Variants in ASTN2 observed in about 807,000 individuals in gnomAD.
The protein encoded by ASTN2 is astrotactin-2.
ASTN2 carries 54 observed loss-of-function variants against 139.8 expected under a neutral mutation model. The ratio of observed to expected loss-of-function variants is 0.39; its 90% CI spans 0.31 to 0.48. The LOEUF (loss-of-function observed/expected upper bound fraction) is 0.48. ASTN2 is among the 20% of genes least tolerant of loss of function. The probability of loss-of-function intolerance (pLI) is 0.95; values close to 1 mark genes in which losing one functional copy is unlikely to be tolerated. For missense variants in ASTN2, 1,565 were observed against 1,725.1 expected, an observed-to-expected ratio of 0.91 and a Z score of 1.64; for synonymous variants, 756 against 719.5, an observed-to-expected ratio of 1.05 and a Z score of -0.81.
intron 6 of ASTN2, among the ~76,000 whole-genome samples, chr9:117,037,727 G>T (rs1588500938): frequency 6.6e-6 from 1 of 152,080 alleles, no homozygotes; most frequent in Admixed American, 6.6e-5. Flanking sequence ...ATGAAGGGTG[G>T]GGACATGCAT....
At chr9:117,143,230 C>T (rs1830115896) in intron 3 of ASTN2, among the ~76,000 whole-genome samples, 1 of 152,190 alleles carries the variant, frequency 6.6e-6, no homozygotes, top group Non-Finnish European at 1.5e-5. Flanking sequence ...GTCTCCCTTG[C>T]TATCTCTCTC....
At chr9:117,245,331 G>A (rs1300947891) in intron 2 of ASTN2, among the ~76,000 whole-genome samples, 1 of 152,218 alleles carries the variant, frequency 6.6e-6, no homozygotes, top group African/African-American at 2.4e-5. Flanking sequence ...CTATCCAAAT[G>A]CTGCCACACG....
chr9:116,745,814 T>G (rs992776582), intron 13 of ASTN2, among the ~76,000 whole-genome samples: 2 of 152,248 alleles, frequency 1.3e-5, no homozygotes, highest in Non-Finnish European at 2.9e-5. Context: ...AAATATGTCA[T>G]TAGCTCCATG....
chr9:116,524,806 C>T (rs1344707161), intron 19 of ASTN2, among the ~76,000 whole-genome samples: 1 of 152,182 alleles, frequency 6.6e-6, no homozygotes, highest in Non-Finnish European at 1.5e-5. Flanking sequence ...CCATTCCTCT[C>T]TGTAGAGATA....
At chr9:116,746,816 C>T (rs1447081012) in intron 13 of ASTN2, among the ~76,000 whole-genome samples, 2 of 152,174 alleles carry the variant, frequency 1.3e-5, no homozygotes, top group Non-Finnish European at 2.9e-5. Flanking sequence ...CTGTCTCCCT[C>T]ATTGGACCAT....
chr9:117,370,310 A>G (rs890047146), intron 1 of ASTN2, among the ~76,000 whole-genome samples: 3 of 152,206 alleles, frequency 2.0e-5, no homozygotes, highest in Admixed American at 2.0e-4. Context: ...TTCATCATGC[A>G]CAGTCAATGG....
intron 4 of ASTN2, among the ~76,000 whole-genome samples, chr9:117,110,259 G>T (rs1334899525): frequency 6.6e-6 from 1 of 152,024 alleles, no homozygotes; most frequent in Non-Finnish European, 1.5e-5. Context: ...ATATAAAAAA[G>T]AACCTTAAAA....
At chr9:117,016,727 T>TAG (rs370524490) in intron 6 of ASTN2, among the ~76,000 whole-genome samples, 1 of 39,458 alleles carries the variant, frequency 2.5e-5, no homozygotes, top group African/African-American at 7.3e-5. Context: ...ATATATATGT[T>TAG]ATATATATAG....
intron 5 of ASTN2, among the ~76,000 whole-genome samples, chr9:117,042,810 A>C (rs1838618097): frequency 6.6e-6 from 1 of 152,220 alleles, no homozygotes; most frequent in East Asian, 1.9e-4. Context: ...CATTTAGCAA[A>C]ACCCCTACAA....
chr9:117,158,952 T>C (rs1830488023), intron 3 of ASTN2, among the ~76,000 whole-genome samples: 1 of 151,924 alleles, frequency 6.6e-6, no homozygotes, highest in African/African-American at 2.4e-5. Flanking sequence ...TTCTGCATCC[T>C]TGTCCTCTTG....
At chr9:117,232,013 T>C (rs1179021748) in intron 2 of ASTN2, among the ~76,000 whole-genome samples, 1 of 152,144 alleles carries the variant, frequency 6.6e-6, no homozygotes, top group Non-Finnish European at 1.5e-5. Flanking sequence ...TTAGAAGATC[T>C]GTGGAGACAG....
Position 116,820,739 on chromosome 9 carries a change from G to A in ASTN2, c.2085C>T (p.Tyr695=), listed in dbSNP as rs147306099. Residue 695 remains tyrosine (Y), a synonymous_variant, in exon 12 of 23, where the codon TAC becomes TAT. Coordinates refer to ENST00000313400, the MANE Select transcript of ASTN2 (RefSeq NM_001365068.1). ...LKPMKDGSGC[Y]DHSKGIDCSD... ...AGCAGTCAATGCCTTTGGAGTGGTC[G>A]TAGCAGCCAGAGCCATCCTTCATGG... 1.7e-4 allele frequency: 276 copies of A among 1,614,022 alleles called. 1 individual carries two copies. Among genetic ancestry groups the A allele is most frequent in the Admixed American group, 5.7e-4 (34 of 59,982 alleles).
intron 19 of ASTN2, among the ~76,000 whole-genome samples, chr9:116,586,827 T>TACACACACACACACAC (rs1491353959): frequency 7.3e-6 from 1 of 136,522 alleles, no homozygotes; most frequent in African/African-American, 2.9e-5. Flanking sequence ...CACACACACA[T>TACACACACACACACAC]ACATACACAC....
Position 116,618,480 on chromosome 9 carries a change from G to GAAT in ASTN2, c.3207-11_3207-9dup. ...GTTGGGGACAGCCGCAGCCTACAGG[G>GAAT]AATAAAAAGGAAGATTCGTGTTTGG... is the stretch of plus-strand genomic sequence containing the variant. On this transcript the variant is annotated splice_polypyrimidine_tract_variant and intron_variant, in intron 18 of 22. Coordinates refer to ENST00000313400, the MANE Select transcript of ASTN2 (RefSeq NM_001365068.1). 6.3e-7 allele frequency: 1 copy of GAAT among 1,594,870 alleles called. No homozygotes were observed. Among genetic ancestry groups the GAAT allele is most frequent in the Admixed American group, 1.8e-5 (1 of 55,252 alleles).
chr9:116,687,001 T>A, intron 16 of ASTN2: 1 of 1,415,764 alleles, frequency 7.1e-7, no homozygotes, highest in South Asian at 1.5e-5. Context: ...GAGGCTACCG[T>A]TTTGTGAAGG....
At chr9:117,353,815 T>C (rs1005855224) in intron 1 of ASTN2, among the ~76,000 whole-genome samples, 2 of 152,008 alleles carry the variant, frequency 1.3e-5, no homozygotes, top group Admixed American at 6.6e-5. Context: ...GGCCACACAC[T>C]CTATGCATCC....
intron 13 of ASTN2, among the ~76,000 whole-genome samples, chr9:116,792,390 C>T (rs1433123091): frequency 6.6e-6 from 1 of 152,128 alleles, no homozygotes; most frequent in Non-Finnish European, 1.5e-5. Flanking sequence ...GAATGCAGCC[C>T]AGCACTCTGC....
chr9:116,671,199 G>A (rs959194381), intron 16 of ASTN2, among the ~76,000 whole-genome samples: 15 of 152,142 alleles, frequency 9.9e-5, no homozygotes, highest in African/African-American at 2.4e-4. Context: ...TTATAGATAC[G>A]TATTAACAGA....
chr9:117,151,351 G>A (rs369510176), intron 3 of ASTN2, among the ~76,000 whole-genome samples: 1 of 152,230 alleles, frequency 6.6e-6, no homozygotes. Flanking sequence ...ACATCATATG[G>A]CTCAGAACTC....
Sources: allele counts gnomAD v4.1 joint callset (sites outside exome capture counted in the v4.1 genomes callset), GRCh38; gene constraint gnomAD v4.1.1; transcripts MANE v1.5; gene names NCBI Gene and HGNC (gene_info 2026-07-23, HGNC 2026-07-21).